Variants in KAZN observed in about 807,000 individuals in gnomAD.
KAZN encodes kazrin.
In KAZN, 40 loss-of-function variants were observed where a neutral mutation model predicts 87.4. That is an observed-to-expected ratio of 0.46 (90% CI 0.36 to 0.60). The LOEUF (loss-of-function observed/expected upper bound fraction) is 0.60. Ranked by LOEUF, KAZN falls within the 20% of genes least tolerant of loss-of-function variation. KAZN has a pLI of 0.00. For missense variants in KAZN, 898 were observed against 1,073.9 expected, an observed-to-expected ratio of 0.84 and a Z score of 2.29; for synonymous variants, 466 against 458.3, an observed-to-expected ratio of 1.02 and a Z score of -0.22.
intron 1 of KAZN, among the ~76,000 whole-genome samples, chr1:14,172,657 C>T (rs1052850780): frequency 3.7e-4 from 57 of 152,298 alleles, no homozygotes; most frequent in African/African-American, 1.3e-3. Context: ...GGGTATTGCA[C>T]AGGGAGGAGC....
At chr1:14,997,895 C>T (rs1668057880) in intron 2 of KAZN, among the ~76,000 whole-genome samples, 1 of 152,232 alleles carries the variant, frequency 6.6e-6, no homozygotes, top group African/African-American at 2.4e-5. Flanking sequence ...CCTCTCTCAG[C>T]TCCAGCTTCC....
At chr1:14,035,021 C>G (rs1288152907) in intron 1 of KAZN, among the ~76,000 whole-genome samples, 1 of 152,120 alleles carries the variant, frequency 6.6e-6, no homozygotes. Context: ...TGAGAGGTGA[C>G]AAAAAGGCAG....
intron 2 of KAZN, among the ~76,000 whole-genome samples, chr1:14,477,681 C>T (rs1409027721): frequency 6.6e-6 from 1 of 152,054 alleles, no homozygotes; most frequent in African/African-American, 2.4e-5. Context: ...TAGTCACAGA[C>T]CCAGAGTCCC....
Position 15,094,979 on chromosome 1 carries a change from C to T in KAZN, c.1547+46C>T. On this transcript the variant is annotated intron_variant, in intron 10 of 14. Coordinates refer to ENST00000376030, the MANE Select transcript of KAZN (RefSeq NM_201628.3). The surrounding 1 kb of genome is among the most constrained non-coding windows in gnomAD (Gnocchi z 4.5). Reference sequence around the variant, plus strand: ...CCCGGGGGAGGAGAGAAAAAGTCATCCTGAGGCCTTTGGTCACACAGGTGG... The same window carrying T: ...CCCGGGGGAGGAGAGAAAAAGTCATTCTGAGGCCTTTGGTCACACAGGTGG... 5 of 1,363,708 alleles carry T rather than the reference C, an allele frequency of 3.7e-6. No homozygotes were observed. The highest frequency in any genetic ancestry group is 5.1e-6 in the Non-Finnish European group (5 of 980,634). The allele number at this position is 1,363,708 out of a possible 1,614,324, so 84.5% of individuals were successfully genotyped here.
chr1:14,685,009 C>T (rs986381689), intron 1 of KAZN, among the ~76,000 whole-genome samples: 3 of 152,186 alleles, frequency 2.0e-5, no homozygotes, highest in East Asian at 1.9e-4. Context: ...GCCATATTGT[C>T]CTATGTGCTC....
chr1:14,762,105 G>A (rs1359143062), intron 1 of KAZN, among the ~76,000 whole-genome samples: 9 of 152,108 alleles, frequency 5.9e-5, no homozygotes, highest in Admixed American at 1.3e-4. Flanking sequence ...TCAGGATGAC[G>A]GTGGTTCCAG....
At chr1:14,899,573 C>T (rs888455513) in intron 1 of KAZN, among the ~76,000 whole-genome samples, 4 of 152,094 alleles carry the variant, frequency 2.6e-5, no homozygotes, top group Admixed American at 2.0e-4. Flanking sequence ...ACTTCCTATC[C>T]GTATGGTAGA....
chr1:14,870,139 C>T (rs377184772), intron 1 of KAZN, among the ~76,000 whole-genome samples: 92 of 152,236 alleles, frequency 6.0e-4, no homozygotes, highest in Middle Eastern at 3.4e-3. Context: ...GACCTTCAGA[C>T]GACTGCTGGG....
intron 2 of KAZN, among the ~76,000 whole-genome samples, chr1:14,267,892 G>A (rs1270939689): frequency 1.3e-5 from 2 of 152,144 alleles, no homozygotes; most frequent in African/African-American, 2.4e-5. Context: ...CCCAGGAGGC[G>A]GAGTTTGCAG....
intron 2 of KAZN, among the ~76,000 whole-genome samples, chr1:14,337,033 A>T (rs938211460): frequency 3.9e-5 from 6 of 152,250 alleles, no homozygotes; most frequent in Admixed American, 3.3e-4. Context: ...CATTGTCAGA[A>T]GGAGGTGAGA....
chr1:14,678,964 G>T (rs140276130), intron 1 of KAZN, among the ~76,000 whole-genome samples: 26 of 152,278 alleles, frequency 1.7e-4, no homozygotes, highest in Admixed American at 7.2e-4. Flanking sequence ...TCCCAAAAAC[G>T]TATAATTACA....
intron 2 of KAZN, among the ~76,000 whole-genome samples, chr1:14,509,208 A>C (rs6687219): frequency 0.71 from 108,208 of 151,938 alleles, 39,168 homozygotes; most frequent in South Asian, 0.78. Flanking sequence ...GTGCTCCAGG[A>C]CCTATAATGG....
intron 2 of KAZN, among the ~76,000 whole-genome samples, chr1:14,246,139 CAG>C (rs1553149694): frequency 1.3e-5 from 2 of 152,092 alleles, no homozygotes; most frequent in Admixed American, 6.6e-5. Context: ...CATATGGACA[CAG>C]GGAGGGGAAC....
intron 2 of KAZN, among the ~76,000 whole-genome samples, chr1:14,338,502 AAAAG>A (rs1226521143): frequency 7.8e-5 from 11 of 141,590 alleles, no homozygotes; most frequent in African/African-American, 1.6e-4. Flanking sequence ...AAAAAAAAAA[AAAAG>A]AGAGAGAGAG....
intron 2 of KAZN, among the ~76,000 whole-genome samples, chr1:14,408,056 G>T (rs1031337574): frequency 6.6e-6 from 1 of 152,198 alleles, no homozygotes; most frequent in Non-Finnish European, 1.5e-5. Flanking sequence ...TGATTCACCA[G>T]GGGGCTGCCC....
intron 8 of KAZN, among the ~76,000 whole-genome samples, chr1:15,079,328 TG>T (rs1234159346): frequency 6.6e-6 from 1 of 152,128 alleles, no homozygotes; most frequent in African/African-American, 2.4e-5. Flanking sequence ...GAGGCAAAAT[TG>T]GTGAAAATCT....
At chr1:14,460,490 A>C (rs1025110411) in intron 2 of KAZN, among the ~76,000 whole-genome samples, 7 of 152,236 alleles carry the variant, frequency 4.6e-5, no homozygotes, top group Admixed American at 1.3e-4. Context: ...TTCCAGGGCC[A>C]CCAGCACCAG....
chr1:14,386,941 T>C (rs1209599510), intron 2 of KAZN, among the ~76,000 whole-genome samples: 1 of 152,218 alleles, frequency 6.6e-6, no homozygotes, highest in Admixed American at 6.5e-5. Context: ...CCCGTCACTT[T>C]CAGGTACACC....
chr1:14,410,173 G>A (rs562482169), intron 2 of KAZN, among the ~76,000 whole-genome samples: 12 of 152,270 alleles, frequency 7.9e-5, no homozygotes, highest in East Asian at 5.8e-4. Context: ...GCGTGATCTC[G>A]TCTCACTGCA....
Sources: gnomAD v4.1 joint callset for allele counts (sites outside exome capture counted in the v4.1 genomes callset) on GRCh38, gnomAD v4.1.1 for gene constraint, Gnocchi (gnomAD v3.1) non-coding constraint, MANE v1.5 for transcripts, NCBI Gene and HGNC (gene_info 2026-07-23, HGNC 2026-07-21) for gene names.